Variants in PIK3C2G observed in about 807,000 individuals in gnomAD.
PIK3C2G encodes phosphatidylinositol 3-kinase C2 domain-containing subunit gamma.
A neutral mutation model predicts 181.1 loss-of-function variants in PIK3C2G; 168 were observed. That is an observed-to-expected ratio of 0.93 (90% confidence interval 0.82 to 1.05). The LOEUF is 1.05. PIK3C2G is among the 50% of genes least tolerant of loss of function. The pLI is 0.00. For missense variants in PIK3C2G, 1,869 were observed against 1,732.8 expected (o/e 1.08, Z -1.40); for synonymous variants, 573 against 592.2 (o/e 0.97, Z 0.47).
At chr12:18,620,383 G>C (rs923747866) in intron 31 of PIK3C2G, among the ~76,000 whole-genome samples, 1 of 151,948 alleles carries the variant, frequency 6.6e-6, no homozygotes, top group Non-Finnish European at 1.5e-5. Context: ...ACTTTTCCAG[G>C]TGGTTATATA....
intron 18 of PIK3C2G, among the ~76,000 whole-genome samples, chr12:18,440,210 T>C (rs1946665731): frequency 6.6e-6 from 1 of 152,012 alleles, no homozygotes; most frequent in Admixed American, 6.6e-5. Context: ...CAGGCTTATA[T>C]CTGTAAGAGT....
chr12:18,366,080 G>A lies in PIK3C2G; in HGVS notation c.1748+3194G>A, dbSNP rs1366831037. The stretch of plus-strand genomic sequence containing the variant: ...CTCTTACACCTTTGTAGTTCTTCTT[G>A]CACAGCAGCTAAAGTTGTCTCTTTA... On this transcript the variant is annotated intron_variant, in intron 12 of 32. Transcript: ENST00000538779. 1.4e-4 allele frequency among the ~76,000 whole-genome samples: 21 copies of A among 152,142 alleles called. No homozygotes were observed. The East Asian group carries it at 3.3e-3, about 24-fold the overall frequency.
intron 4 of PIK3C2G, among the ~76,000 whole-genome samples, chr12:18,292,567 G>T (rs1591846045): frequency 6.6e-6 from 1 of 152,088 alleles, no homozygotes; most frequent in East Asian, 1.9e-4. Context: ...CAATCAGAAA[G>T]ACCATAGGTT....
At chr12:18,687,972 T>C in the PIK3C2G span, 10 of 1,382,776 alleles carry the variant, frequency 7.2e-6, no homozygotes, top group East Asian at 2.4e-4. Flanking sequence ...TTGGACATAA[T>C]GGAAAACCCT....
the PIK3C2G span, chr12:18,715,616 G>A: frequency 1.3e-5 from 2 of 152,070 alleles, no homozygotes; most frequent in Admixed American, 6.6e-5. Flanking sequence ...TAGCCAGGAT[G>A]GGGTTTTTAA....
intron 23 of PIK3C2G, 91 bp from the exon 24 acceptor site, chr12:18,505,201 T>G (rs776115375): frequency 8.9e-6 from 10 of 1,118,276 alleles, no homozygotes; most frequent in Non-Finnish European, 1.3e-5. Context: ...GTAATTTTGC[T>G]TATCATTTAC....
At chr12:18,505,225 C>A in intron 23 of PIK3C2G, 67 bp from the exon 24 acceptor site, 2 of 1,312,032 alleles carry the variant, frequency 1.5e-6, no homozygotes, top group East Asian at 2.5e-5. Flanking sequence ...TTATGATTAC[C>A]TCTGATGCTA....
In PIK3C2G at chr12:18,496,572, G is replaced by GT. The variant is rs1280369225; in HGVS notation, c.2886+426dup. Among the ~76,000 whole-genome samples the GT allele has an allele frequency of 6.6e-5, 10 of 151,834 alleles. No homozygotes were observed. The South Asian group carries it at 1.3e-3, about 19-fold the overall frequency. ...GCACTTGTTCATTTTAGTAATTTGAGTTTTTTTTAATAAAAAAGTAAATAT... is the reference window on the plus strand; with the variant it reads ...GCACTTGTTCATTTTAGTAATTTGAGTTTTTTTTTAATAAAAAAGTAAATAT... On this transcript the variant is annotated intron_variant, in intron 21 of 32. Coordinates refer to ENST00000538779, the MANE Select transcript of PIK3C2G (RefSeq NM_001288772.2).
At chr12:18,333,221 T>C (rs1337724855) in intron 8 of PIK3C2G, among the ~76,000 whole-genome samples, 1 of 152,166 alleles carries the variant, frequency 6.6e-6, no homozygotes, top group Non-Finnish European at 1.5e-5. Context: ...GAAAAAGTTA[T>C]AATTTTGTAT....
At chr12:18,538,929 C>A (rs1309091439) in intron 25 of PIK3C2G, among the ~76,000 whole-genome samples, 1 of 151,808 alleles carries the variant, frequency 6.6e-6, no homozygotes, top group African/African-American at 2.4e-5. Context: ...CAGATATGTA[C>A]CATGAGGGAA....
At chr12:18,672,715 A>G in the PIK3C2G span, among the ~76,000 whole-genome samples, 1 of 152,162 alleles carries the variant, frequency 6.6e-6, no homozygotes, top group Non-Finnish European at 1.5e-5. Flanking sequence ...AGGTGACCTC[A>G]CTGGGAGGAA....
At chr12:18,698,052 G>A in the PIK3C2G span, among the ~76,000 whole-genome samples, 1 of 151,752 alleles carries the variant, frequency 6.6e-6, no homozygotes, top group East Asian at 1.9e-4. Context: ...TACAGGTCCT[G>A]TCCTCATGAA....
chr12:18,323,252 T>C (rs933437723), intron 7 of PIK3C2G, among the ~76,000 whole-genome samples: 7 of 152,180 alleles, frequency 4.6e-5, no homozygotes, highest in Admixed American at 4.6e-4. Flanking sequence ...AGAGGAAACA[T>C]GTCTGGGACA....
At chr12:18,521,672 TC>T (rs1942927280) in intron 24 of PIK3C2G, among the ~76,000 whole-genome samples, 1 of 152,104 alleles carries the variant, frequency 6.6e-6, no homozygotes, top group South Asian at 2.1e-4. Context: ...CTGCCGCCCA[TC>T]CCCCGCCCTG....
intron 6 of PIK3C2G, chr12:18,314,678 T>C (rs1362052528): frequency 6.6e-6 from 1 of 152,256 alleles, no homozygotes; most frequent in Non-Finnish European, 1.5e-5. Context: ...CCAGGCTGAC[T>C]AATACACTGA....
chr12:18,338,386 A>ATTTCAATAGAT, intron 8 of PIK3C2G, 40 bp from the exon 9 acceptor site: 1 of 1,432,028 alleles, frequency 7.0e-7, no homozygotes, highest in Non-Finnish European at 9.6e-7. Context: ...CCCCTCATTT[A>ATTTCAATAGAT]TTTCAATAGA....
At chr12:18,519,154 T>C (rs1210271005) in intron 24 of PIK3C2G, among the ~76,000 whole-genome samples, 1 of 152,246 alleles carries the variant, frequency 6.6e-6, no homozygotes, top group Non-Finnish European at 1.5e-5. Context: ...CTTCCAATTA[T>C]ATGGTCAATT....
At chr12:18,610,303 G>A (rs1948268196) in intron 31 of PIK3C2G, among the ~76,000 whole-genome samples, 1 of 152,072 alleles carries the variant, frequency 6.6e-6, no homozygotes, top group East Asian at 1.9e-4. Context: ...CTTCCCAGGA[G>A]ACTATATCAG....
intron 5 of PIK3C2G, among the ~76,000 whole-genome samples, chr12:18,306,887 T>C (rs1206898655): frequency 6.6e-6 from 1 of 151,818 alleles, no homozygotes; most frequent in Non-Finnish European, 1.5e-5. Flanking sequence ...TACATGAGTT[T>C]AATATTTCAC....
Sources: gnomAD v4.1 joint callset for allele counts (sites outside exome capture counted in the v4.1 genomes callset) on GRCh38, gnomAD v4.1.1 for gene constraint, MANE v1.5 for transcripts, NCBI Gene and HGNC (gene_info 2026-07-23, HGNC 2026-07-21) for gene names.